The following SAMD12 variants were observed in gnomAD, a reference collection of about 807,000 sequenced individuals.
The protein encoded by SAMD12 is sterile alpha motif domain-containing protein 12.
In SAMD12, 9 loss-of-function variants were observed where a neutral mutation model predicts 15.0. The observed-to-expected ratio is 0.60, with a 90% confidence interval of 0.36 to 1.05. The LOEUF is 1.05. SAMD12 is among the 50% of genes least tolerant of loss of function. The pLI, the probability that SAMD12 is intolerant of heterozygous loss-of-function variation, is 0.01. For missense variants in SAMD12, 230 were observed against 234.2 expected, an observed-to-expected ratio of 0.98 and a Z score of 0.12; for synonymous variants, 86 against 90.1, an observed-to-expected ratio of 0.96 and a Z score of 0.25.
At chr8:118,243,873 A>G (rs1262153286) in intron 4 of SAMD12, among the ~76,000 whole-genome samples, 1 of 152,176 alleles carries the variant, frequency 6.6e-6, no homozygotes, top group African/African-American at 2.4e-5. Flanking sequence ...AGAAATCTGC[A>G]TGAAGAGAGA....
chr8:118,323,370 T>C (rs2930939), intron 4 of SAMD12, among the ~76,000 whole-genome samples: 1 of 152,244 alleles, frequency 6.6e-6, no homozygotes, highest in South Asian at 2.1e-4. Context: ...ATATTATTAA[T>C]ACAGAGAAAA....
At chr8:118,181,457 A>G in the SAMD12 span, among the ~76,000 whole-genome samples, 2 of 152,182 alleles carry the variant, frequency 1.3e-5, no homozygotes, top group Non-Finnish European at 1.5e-5. Flanking sequence ...TCCCCACAAC[A>G]GGGCAGCCAA....
chr8:118,589,183 C>T (rs1034832843), intron 1 of SAMD12, among the ~76,000 whole-genome samples: 1 of 152,170 alleles, frequency 6.6e-6, no homozygotes, highest in Non-Finnish European at 1.5e-5. Context: ...AACTGAAAGA[C>T]TGAACCCACA....
At chr8:118,444,464 C>T (rs902773242) in intron 2 of SAMD12, among the ~76,000 whole-genome samples, 9 of 152,014 alleles carry the variant, frequency 5.9e-5, no homozygotes, top group Non-Finnish European at 1.3e-4. Context: ...CTTTCTGATG[C>T]CTTTCTGTTT....
intron 3 of SAMD12, among the ~76,000 whole-genome samples, chr8:118,427,155 C>A (rs1195562227): frequency 6.6e-6 from 1 of 152,182 alleles, no homozygotes; most frequent in Non-Finnish European, 1.5e-5. Context: ...AACTCAATTT[C>A]TCTATAAGTA....
At chr8:118,586,595 G>A (rs1207455606) in intron 1 of SAMD12, among the ~76,000 whole-genome samples, 3 of 151,998 alleles carry the variant, frequency 2.0e-5, no homozygotes, top group African/African-American at 4.8e-5. Context: ...TGCCCACCTC[G>A]ACCTCCCAAA....
chr8:118,217,253 C>T lies in SAMD12; in HGVS notation c.434-19521G>A, dbSNP rs185315277. ...TCTTGACCTTGTGATCTGCCCGCCT[C>T]GGCCTCCCAAAGTGCTGGGATTACA... On this transcript the variant is annotated intron_variant, in intron 4 of 4. Coordinates refer to the SAMD12 transcript ENST00000409003. Among the ~76,000 whole-genome samples, 7 of 152,334 alleles carry T rather than the reference C, an allele frequency of 4.6e-5. No homozygotes were observed. The East Asian group carries it at 1.2e-3, about 25-fold the overall frequency.
chr8:118,190,893 A>G (rs1385907764), exon 5 of SAMD12: 1 of 152,136 alleles, frequency 6.6e-6, no homozygotes, highest in Non-Finnish European at 1.5e-5. Flanking sequence ...AATCTCCACA[A>G]AGTTCTAAGA....
intron 3 of SAMD12, among the ~76,000 whole-genome samples, chr8:118,424,322 C>A (rs1822149916): frequency 6.6e-6 from 1 of 152,068 alleles, no homozygotes. Flanking sequence ...ATGTGGAGTT[C>A]CTGCAACTAC....
At chr8:118,593,719 G>T (rs1210601245) in intron 1 of SAMD12, among the ~76,000 whole-genome samples, 1 of 152,104 alleles carries the variant, frequency 6.6e-6, no homozygotes, top group African/African-American at 2.4e-5. Context: ...TTCTGTAAAT[G>T]TTAGTTTTAA....
chr8:118,181,687 G>A, the SAMD12 span, among the ~76,000 whole-genome samples: 1 of 152,254 alleles, frequency 6.6e-6, no homozygotes, highest in East Asian at 1.9e-4. Context: ...ATCCAGCCCT[G>A]GTTTTTCTCT....
At chr8:118,335,812 G>T (rs1273501332) in intron 4 of SAMD12, among the ~76,000 whole-genome samples, 2 of 152,148 alleles carry the variant, frequency 1.3e-5, no homozygotes, top group African/African-American at 4.8e-5. Flanking sequence ...CATGATCATG[G>T]CTCACCGCAG....
intron 2 of SAMD12, among the ~76,000 whole-genome samples, chr8:118,539,738 CA>C (rs1300096248): frequency 6.6e-6 from 1 of 152,066 alleles, no homozygotes; most frequent in Non-Finnish European, 1.5e-5. Flanking sequence ...CCTCATTATA[CA>C]ACTAAAACTG....
intron 4 of SAMD12, among the ~76,000 whole-genome samples, chr8:118,317,741 G>A (rs550176382): frequency 6.6e-6 from 1 of 152,112 alleles, no homozygotes; most frequent in African/African-American, 2.4e-5. Flanking sequence ...ATTAATATAG[G>A]TGTACTTTTC....
intron 1 of SAMD12, chr8:118,621,410 G>A (rs889364931): frequency 1.4e-5 from 4 of 284,124 alleles, no homozygotes; most frequent in South Asian, 5.0e-5. Context: ...CCACGTGAGG[G>A]GGGCCAACCA....
chr8:118,531,359 G>A (rs539058547), intron 2 of SAMD12, among the ~76,000 whole-genome samples: 2 of 152,176 alleles, frequency 1.3e-5, no homozygotes, highest in Non-Finnish European at 1.5e-5. Flanking sequence ...AAGTCAGGTA[G>A]CGTGATGCCT....
chr8:118,165,595 CATATATACATAT>C, the SAMD12 span, among the ~76,000 whole-genome samples: 26 of 96,954 alleles, frequency 2.7e-4, no homozygotes, highest in African/African-American at 1.3e-3. Context: ...TATATATATA[CATATATACATAT>C]ATATATGTAT....
chr8:118,598,023 C>T (rs1179238616), intron 1 of SAMD12, among the ~76,000 whole-genome samples: 2 of 152,160 alleles, frequency 1.3e-5, no homozygotes, highest in African/African-American at 2.4e-5. Context: ...TATATATATT[C>T]TCCCATCCCT....
At chr8:118,292,349 G>GACACACACACAGACACACACACACAC (rs1814428405) in intron 4 of SAMD12, among the ~76,000 whole-genome samples, 2 of 137,624 alleles carry the variant, frequency 1.5e-5, no homozygotes, top group Non-Finnish European at 3.1e-5. Flanking sequence ...CAAACACACA[G>GACACACACACAGACACACACACACAC]ACACACACAC....
Sources: allele counts gnomAD v4.1 joint callset (sites outside exome capture counted in the v4.1 genomes callset), GRCh38; gene constraint gnomAD v4.1.1; transcripts MANE v1.5; gene names NCBI Gene and HGNC (gene_info 2026-07-23, HGNC 2026-07-21).